Variants in CNBD1 observed in about 807,000 individuals in gnomAD.
CNBD1 encodes cyclic nucleotide-binding domain-containing protein 1.
A neutral mutation model predicts 54.4 loss-of-function variants in CNBD1; 71 were observed. That is an observed-to-expected ratio of 1.30 (90% CI 1.08 to 1.59). CNBD1 has a LOEUF of 1.59. Among genes scored for constraint, CNBD1 ranks in the 40% most tolerant of loss-of-function variants. The pLI, the probability that CNBD1 is intolerant of heterozygous loss-of-function variation, is 0.00. For missense variants in CNBD1, 659 were observed against 518.0 expected, an observed-to-expected ratio of 1.27 and a Z score of -2.64; for synonymous variants, 182 against 170.7, an observed-to-expected ratio of 1.07 and a Z score of -0.51.
At chr8:87,351,593 GA>G (rs1362963526) in intron 8 of CNBD1, 91 bp from the exon 9 acceptor site, 1 of 1,183,276 alleles carries the variant, frequency 8.5e-7, no homozygotes, top group Non-Finnish European at 1.1e-6. Context: ...AATAGTTATT[GA>G]ATTAAATACA....
chr8:87,321,803 C>CTTTTTTTTTTTT (rs765165524), intron 8 of CNBD1, among the ~76,000 whole-genome samples: 5 of 89,002 alleles, frequency 5.6e-5, no homozygotes, highest in Admixed American at 1.1e-4. Flanking sequence ...TTTTCTTTTT[C>CTTTTTTTTTTTT]TTTTTTTTTT....
intron 8 of CNBD1, among the ~76,000 whole-genome samples, chr8:87,330,906 A>G (rs898787051): frequency 6.6e-6 from 1 of 152,182 alleles, no homozygotes; most frequent in African/African-American, 2.4e-5. Flanking sequence ...TAGGTTTCTC[A>G]TAGCCAACAT....
intron 2 of CNBD1, among the ~76,000 whole-genome samples, chr8:87,419,105 A>ATG (rs1342836088): frequency 4.0e-5 from 4 of 99,308 alleles, no homozygotes; most frequent in African/African-American, 2.4e-4. Flanking sequence ...ATATGTATAT[A>ATG]TATATTCATT....
intron 8 of CNBD1, among the ~76,000 whole-genome samples, chr8:87,331,181 G>T (rs967096274): frequency 2.0e-5 from 3 of 152,002 alleles, no homozygotes; most frequent in Admixed American, 6.6e-5. Context: ...AGTCCGACAT[G>T]CATTAGCTAT....
chr8:87,253,746 C>A (rs1807955039), intron 6 of CNBD1, among the ~76,000 whole-genome samples: 1 of 152,054 alleles, frequency 6.6e-6, no homozygotes, highest in African/African-American at 2.4e-5. Context: ...AGTGCCAAAT[C>A]AAGGTAAAGA....
rs529747551 is a variant in CNBD1, at chr8:86,916,032, A to T, written c.272+10838A>T. ...CCCTTATGAGTATTTCCTTCCCTGT[A>T]TCCCATGTGCCATCATGGTCTCAGA... On this transcript the variant is annotated intron_variant, in intron 3 of 10. Transcript: ENST00000518476. Among the ~76,000 whole-genome samples, 3 of 152,270 alleles carry T rather than the reference A, an allele frequency of 2.0e-5. No individual in the cohort carries two copies. In the South Asian group the frequency reaches 6.2e-4, roughly 32 times the overall value.
At position 87,403,173 on chromosome 8, in the gene CNBD1, A is replaced by T. The variant is rs189273430; in HGVS notation, c.214-25373A>T. ...ATTTTTTAAAACATCACTACAGCTG[A>T]TGTTTTGTCAATGTGCCTTTCAAAA... On this transcript the variant is annotated intron_variant, in intron 2 of 7. Transcript: ENST00000521593. 4.0e-4 allele frequency among the ~76,000 whole-genome samples: 61 copies of T among 152,134 alleles called. No homozygotes were observed. In the East Asian group the frequency reaches 8.0e-3, roughly 20 times the overall value.
chr8:87,366,031 G>A (rs185016196), intron 10 of CNBD1, among the ~76,000 whole-genome samples: 3 of 152,106 alleles, frequency 2.0e-5, no homozygotes, highest in East Asian at 1.9e-4. Flanking sequence ...AATAAATCTA[G>A]CCTGGTAAGA....
At chr8:87,426,121 G>A (rs1171332585) in intron 2 of CNBD1, among the ~76,000 whole-genome samples, 1 of 152,226 alleles carries the variant, frequency 6.6e-6, no homozygotes, top group Non-Finnish European at 1.5e-5. Flanking sequence ...CTAGGAAAGG[G>A]AACTCCCTGA....
intron 2 of CNBD1, among the ~76,000 whole-genome samples, chr8:87,397,984 T>G (rs1471926436): frequency 1.3e-5 from 2 of 151,894 alleles, no homozygotes; most frequent in Non-Finnish European, 2.9e-5. Flanking sequence ...TTATGAGGCC[T>G]CCCCAGCCAT....
At chr8:87,138,776 G>A (rs1456246011) in intron 4 of CNBD1, among the ~76,000 whole-genome samples, 1 of 152,154 alleles carries the variant, frequency 6.6e-6, no homozygotes, top group Non-Finnish European at 1.5e-5. Context: ...TAAGGTCAGG[G>A]AATATGTCTT....
intron 10 of CNBD1, among the ~76,000 whole-genome samples, chr8:87,371,493 C>T (rs1472205872): frequency 6.6e-6 from 1 of 151,870 alleles, no homozygotes; most frequent in Non-Finnish European, 1.5e-5. Context: ...TTTATGAGGC[C>T]AGCATCATCC....
chr8:86,985,172 G>A (rs995397291), intron 4 of CNBD1, among the ~76,000 whole-genome samples: 1 of 152,146 alleles, frequency 6.6e-6, no homozygotes, highest in Non-Finnish European at 1.5e-5. Flanking sequence ...GCTGCCAAGT[G>A]AGACATGCCT....
At chr8:87,220,508 T>TTG (rs1814308839) in intron 5 of CNBD1, among the ~76,000 whole-genome samples, 1 of 151,886 alleles carries the variant, frequency 6.6e-6, no homozygotes, top group East Asian at 1.9e-4. Flanking sequence ...AGTTTTTTTT[T>TTG]TTTTTTTTCA....
intron 5 of CNBD1, among the ~76,000 whole-genome samples, chr8:87,221,822 C>T (rs990790797): frequency 2.6e-5 from 4 of 152,082 alleles, no homozygotes; most frequent in East Asian, 1.9e-4. Context: ...GTAATATTTA[C>T]GTATTTGCTT....
chr8:86,985,129 G>T (rs1808578447), intron 4 of CNBD1, among the ~76,000 whole-genome samples: 2 of 152,134 alleles, frequency 1.3e-5, no homozygotes, highest in South Asian at 4.1e-4. Flanking sequence ...TTAAAAAGGA[G>T]ATTTTCCCTT....
intron 10 of CNBD1, among the ~76,000 whole-genome samples, chr8:87,382,168 T>G (rs893309252): frequency 7.2e-4 from 109 of 151,974 alleles, no homozygotes; most frequent in African/African-American, 2.6e-3. Context: ...TTCCAAAATG[T>G]TCATGGAATT....
chr8:87,281,726 T>C (rs1459393169), intron 6 of CNBD1, among the ~76,000 whole-genome samples: 3 of 150,630 alleles, frequency 2.0e-5, no homozygotes, highest in African/African-American at 7.3e-5. Flanking sequence ...TTTTTTAGTT[T>C]ATTTTAATAG....
chr8:87,268,835 T>A (rs1808310663), intron 6 of CNBD1, among the ~76,000 whole-genome samples: 1 of 152,172 alleles, frequency 6.6e-6, no homozygotes, highest in South Asian at 2.1e-4. Context: ...CTTTGTCATA[T>A]GCATAGCTTA....
Sources: allele counts gnomAD v4.1 joint callset (sites outside exome capture counted in the v4.1 genomes callset), GRCh38; gene constraint gnomAD v4.1.1; transcripts MANE v1.5; gene names NCBI Gene and HGNC (gene_info 2026-07-23, HGNC 2026-07-21).